METTL26: variants seen among roughly 807,000 people sequenced by gnomAD.
The protein encoded by METTL26 is methyltransferase-like 26.
A neutral mutation model predicts 24.7 loss-of-function variants in METTL26; 28 were observed. That is an observed-to-expected ratio of 1.13 (90% CI 0.84 to 1.55). METTL26 has a LOEUF of 1.55. METTL26 is among the 40% of genes most tolerant of loss of function. The pLI, the probability that METTL26 is intolerant of heterozygous loss-of-function variation, is 0.00. For synonymous variants in METTL26, 165 were observed against 125.2 expected (o/e 1.32, Z -2.12); for missense variants, 344 against 281.2 (o/e 1.22, Z -1.60).
At position 636,195 on chromosome 16, in the gene METTL26, G is replaced by T; in HGVS notation, c.96C>A (p.Leu32=). The T allele has an allele frequency of 1.3e-6, 2 of 1,489,792 alleles. No individual in the cohort carries two copies. 92.3% of individuals were successfully genotyped at this position (1,489,792 alleles called of 1,614,324 possible). The change falls in exon 1 of 6, where the codon CTC becomes CTA. Residue 32 remains leucine, a synonymous_variant. Coordinates refer to ENST00000301686, the MANE Select transcript of METTL26 (RefSeq NM_032366.5). ...LDPAQRGVRV[L]EVASGSGQHA... is the part of the protein sequence containing the mutation. ...GCTGGCCGGAGCCCGAGGCCACCTC[G>T]AGGACGCGGACGCCACGCTGGGCCG...
At chr16:635,184 C>G in intron 3 of METTL26, 97 bp downstream of exon 3, 1 of 1,456,788 alleles carries the variant, frequency 6.9e-7, no homozygotes, top group Non-Finnish European at 9.2e-7. Context: ...GGTGGCTGGG[C>G]GGGGGGCAGG....
chr16:635,076 G>T, intron 3 of METTL26, 120 bp from the exon 4 acceptor site: 1 of 1,523,128 alleles, frequency 6.6e-7, no homozygotes, highest in Non-Finnish European at 8.8e-7. Flanking sequence ...GTCCCCAAGA[G>T]GGAGTCAGCC....
rs2037046966 is a variant in METTL26 at position 634,814 on chromosome 16, G to A, written c.489-17C>T. 6.2e-7 allele frequency: 1 copy of A among 1,603,072 alleles called. No homozygotes were observed. The highest frequency in any genetic ancestry group is 1.7e-5 in the Admixed American group (1 of 59,040). ...TCTGGGTTCCTGCAGAGGGTGGGGAGATGGAGTCATGGCCTGGGGGGTGCC... is the reference window on the plus strand; with the variant it reads ...TCTGGGTTCCTGCAGAGGGTGGGGAAATGGAGTCATGGCCTGGGGGGTGCC... On this transcript the variant is annotated splice_polypyrimidine_tract_variant and intron_variant, in intron 4 of 5. Coordinates refer to ENST00000301686, the MANE Select transcript of METTL26 (RefSeq NM_032366.5).
intron 1 of METTL26, 137 bp from the exon 2 acceptor site, chr16:635,911 G>C (rs1233599330): frequency 1.2e-5 from 16 of 1,349,958 alleles, no homozygotes; most frequent in East Asian, 2.5e-5. Flanking sequence ...GGGACCCCGA[G>C]GTCCACCCAC....
Position 636,077 on chromosome 16 carries a change from C to T in METTL26, c.197+17G>A. On this transcript the variant is annotated intron_variant, in intron 1 of 5. Transcript: ENST00000301686. ...GGACCGCCGCACCGATAGAAGTGGC[C>T]GCCCCGGGGGCCGCACCTGTCCAGG... is the stretch of plus-strand genomic sequence containing the variant. 7.1e-7 allele frequency: 1 copy of T among 1,406,416 alleles called. No homozygotes were observed. The highest frequency in any genetic ancestry group is 1.5e-5 in the African/African-American group (1 of 66,278). 87.1% of individuals were successfully genotyped at this position (1,406,416 alleles called of 1,614,324 possible). A position where few individuals can be genotyped will look rare whatever the true frequency, so the allele number is the denominator to read the frequency against.
chr16:635,645 G>C lies in METTL26; in HGVS notation c.327C>G (p.Asn109Lys). 1 of 1,550,882 alleles carries C rather than the reference G, an allele frequency of 6.4e-7. No individual in the cohort carries two copies. The highest frequency in any genetic ancestry group is 8.7e-7 in the Non-Finnish European group (1 of 1,147,434). Reference protein sequence around the residue: ...PQSLDLLLCINMAHVSPLRCT... With the variant: ...PQSLDLLLCIKMAHVSPLRCT... ...AGCGCAGGGGGCTGACATGGGCCAT[G>C]TTGATGCAGAGCAACAGGTCCAGCG... Residue 109 changes from asparagine (N) to lysine (K), a missense_variant, in exon 2 of 6, where the codon AAC (asparagine) becomes AAG (lysine). Asn to Lys is a moderately conservative substitution (Grantham distance 94). Coordinates refer to ENST00000301686, the MANE Select transcript of METTL26 (RefSeq NM_032366.5).
At chr16:635,185 G>C (rs963035894) in intron 3 of METTL26, 96 bp downstream of exon 3, 1 of 1,474,778 alleles carries the variant, frequency 6.8e-7, no homozygotes, top group East Asian at 2.5e-5. Flanking sequence ...GTGGCTGGGC[G>C]GGGGGCAGGG....
intron 3 of METTL26, 143 bp from the exon 4 acceptor site, chr16:635,099 G>A: frequency 6.6e-7 from 1 of 1,509,928 alleles, no homozygotes; most frequent in Non-Finnish European, 8.8e-7. Flanking sequence ...GGCCAGCCTG[G>A]TGGGCAAGGG....
At chr16:636,004 C>T in intron 1 of METTL26, 90 bp downstream of exon 1, 3 of 1,437,996 alleles carry the variant, frequency 2.1e-6, no homozygotes, top group Non-Finnish European at 9.1e-7. Flanking sequence ...AGAGCCCGAG[C>T]CGCATCCTTT....
rs892297858 is a variant in METTL26, at chr16:635,155, G to T, written c.420+126C>A. 1.5e-5 allele frequency: 22 copies of T among 1,476,748 alleles called. No homozygotes were observed. In the African/African-American group the frequency reaches 3.1e-4, roughly 21 times the overall value. The allele number at this position is 1,476,748 out of a possible 1,614,324, so 91.5% of individuals were successfully genotyped here. A position where few individuals can be genotyped will look rare whatever the true frequency, so the allele number is the denominator to read the frequency against. ...ACCCAGGGAGGGGTACAGACTGGAA[G>T]TGGAGGGGAGGCCGTGCTGGTGGCT... On this transcript the variant is annotated intron_variant, in intron 3 of 5. Transcript: ENST00000301686.
At chr16:635,207 G>C in intron 3 of METTL26, 74 bp downstream of exon 3, 2 of 1,503,924 alleles carry the variant, frequency 1.3e-6, no homozygotes. Context: ...GCCCAGGAGG[G>C]AGGACTCTCA....
Position 635,713 on chromosome 16 carries a change from C to T in METTL26, c.259G>A (p.Val87Met), listed in dbSNP as rs775351111. ...TNVKAPLHLD[V>M]TWGWEHWGGI... ...CCCCAGTGCTCCCAGCCCCACGTCACGTCCAGGTGTAGCGGGGCCTTCACG... is the reference window on the plus strand; with the variant it reads ...CCCCAGTGCTCCCAGCCCCACGTCATGTCCAGGTGTAGCGGGGCCTTCACG... The change falls in exon 2 of 6, where the codon GTG becomes ATG. Residue 87 changes from valine (V) to methionine (M), a missense_variant. Val to Met is a conservative substitution (Grantham distance 21, BLOSUM62 1). Coordinates refer to ENST00000301686, the MANE Select transcript of METTL26 (RefSeq NM_032366.5). 1 of 1,570,750 alleles carries T rather than the reference C, an allele frequency of 6.4e-7. No individual in the cohort carries two copies. The highest frequency in any genetic ancestry group is 8.6e-7 in the Non-Finnish European group (1 of 1,159,344).
intron 3 of METTL26, 107 bp downstream of exon 3, chr16:635,174 G>A (rs964451436): frequency 6.8e-7 from 1 of 1,476,284 alleles, no homozygotes; most frequent in Admixed American, 2.3e-5. Flanking sequence ...AGGCCGTGCT[G>A]GTGGCTGGGC....
intron 1 of METTL26, 93 bp downstream of exon 1, chr16:636,001 G>T (rs953917642): frequency 1.4e-6 from 2 of 1,431,736 alleles, no homozygotes; most frequent in African/African-American, 1.5e-5. Context: ...CTCAGAGCCC[G>T]AGCCGCATCC....
At chr16:634,677 A>G (rs1181327612) in intron 5 of METTL26, 33 bp from the exon 6 acceptor site, 2 of 1,613,014 alleles carry the variant, frequency 1.2e-6, no homozygotes, top group Admixed American at 3.3e-5. Context: ...GACGGCCCTC[A>G]ACCCCTAGAG....
chr16:635,155 G>A, intron 3 of METTL26, 126 bp downstream of exon 3: 4 of 1,476,864 alleles, frequency 2.7e-6, no homozygotes, highest in East Asian at 2.5e-5. Flanking sequence ...CAGACTGGAA[G>A]TGGAGGGGAG....
At chr16:635,078 G>T in intron 3 of METTL26, 122 bp from the exon 4 acceptor site, 1 of 1,521,716 alleles carries the variant, frequency 6.6e-7, no homozygotes, top group Non-Finnish European at 8.8e-7. Context: ...CCCCAAGAGG[G>T]AGTCAGCCAA....
chr16:635,328 C>T lies in METTL26; in HGVS notation c.373G>A (p.Ala125Thr). 6.3e-7 allele frequency: 1 copy of T among 1,599,600 alleles called. No homozygotes were observed. Residue 125 changes from alanine to threonine, a missense_variant, in exon 3 of 6, where the codon GCA (alanine) becomes ACA (threonine). Transcript: ENST00000301686. ...PLRCTEGLFR[A>T]AGHLLKPRAL... ...CTGGGTTTGAGCAGGTGTCCTGCTG[C>T]TCTGAAGAGCCCCTGGTGAGTAGGA...
At chr16:635,963 G>C (rs1371528589) in intron 1 of METTL26, 131 bp downstream of exon 1, 1 of 1,364,266 alleles carries the variant, frequency 7.3e-7, no homozygotes. Context: ...CCTGCCCCGG[G>C]GGCACCCCCA....
Sources: allele counts gnomAD v4.1 joint callset, GRCh38; gene constraint gnomAD v4.1.1; transcripts MANE v1.5; gene names NCBI Gene and HGNC (gene_info 2026-07-23, HGNC 2026-07-21).